Variants in OLFM3 observed in about 807,000 individuals in gnomAD.
The protein encoded by OLFM3 is olfactomedin 3.
In OLFM3, 20 loss-of-function variants were observed where a neutral mutation model predicts 48.6. The ratio of observed to expected loss-of-function variants is 0.41; its 90% CI spans 0.29 to 0.60. The LOEUF is 0.60. Ranked by LOEUF, OLFM3 falls within the 20% of genes least tolerant of loss-of-function variation. The pLI is 0.28. For missense variants in OLFM3, 437 were observed against 544.3 expected, an observed-to-expected ratio of 0.80 and a Z score of 1.96; for synonymous variants, 222 against 198.1, an observed-to-expected ratio of 1.12 and a Z score of -1.01.
At chr1:101,896,566 C>T (rs2101012746) in intron 1 of OLFM3, among the ~76,000 whole-genome samples, 1 of 141,192 alleles carries the variant, frequency 7.1e-6, no homozygotes, top group South Asian at 2.2e-4. Context: ...GCGATCTCGG[C>T]TCACTGCAAA....
intron 1 of OLFM3, among the ~76,000 whole-genome samples, chr1:101,918,736 T>G (rs902713270): frequency 6.6e-6 from 1 of 152,110 alleles, no homozygotes; most frequent in African/African-American, 2.4e-5. Flanking sequence ...TAAATATCTT[T>G]TATTAGAGGT....
chr1:101,887,162 G>T (rs1657795940), intron 1 of OLFM3, among the ~76,000 whole-genome samples: 1 of 150,972 alleles, frequency 6.6e-6, no homozygotes. Context: ...GGTGAGTGAG[G>T]TTATACAAAT....
intron 1 of OLFM3, among the ~76,000 whole-genome samples, chr1:101,947,828 T>C (rs1255376177): frequency 1.3e-5 from 2 of 152,176 alleles, no homozygotes; most frequent in Non-Finnish European, 2.9e-5. Flanking sequence ...TAGATAATAA[T>C]AGCTGCTAAC....
chr1:101,972,831 T>C (rs1660845745), intron 1 of OLFM3, among the ~76,000 whole-genome samples: 1 of 152,224 alleles, frequency 6.6e-6, no homozygotes, highest in Non-Finnish European at 1.5e-5. Context: ...CTGCACGGAA[T>C]ATTGAATATA....
At chr1:101,923,101 G>C (rs1254278808) in intron 1 of OLFM3, among the ~76,000 whole-genome samples, 2 of 152,164 alleles carry the variant, frequency 1.3e-5, no homozygotes, top group African/African-American at 4.8e-5. Flanking sequence ...AGAAAATTCT[G>C]TTCAGACATT....
At chr1:101,891,655 A>G (rs1658004160) in intron 1 of OLFM3, among the ~76,000 whole-genome samples, 2 of 151,956 alleles carry the variant, frequency 1.3e-5, no homozygotes, top group Admixed American at 6.6e-5. Context: ...GCATTAGATT[A>G]TCTACAGTAA....
At chr1:101,919,310 T>G (rs1659021287) in intron 1 of OLFM3, among the ~76,000 whole-genome samples, 1 of 152,174 alleles carries the variant, frequency 6.6e-6, no homozygotes, top group Admixed American at 6.5e-5. Flanking sequence ...CTTGAAAAAT[T>G]TTTTTGAACT....
intron 4 of OLFM3, 97 bp downstream of exon 4, chr1:101,824,929 A>T: frequency 9.5e-7 from 1 of 1,050,430 alleles, no homozygotes. Flanking sequence ...TTTCTTTACA[A>T]TTAGATATTT....
At chr1:101,841,267 C>T (rs181338755) in intron 1 of OLFM3, among the ~76,000 whole-genome samples, 18 of 152,206 alleles carry the variant, frequency 1.2e-4, no homozygotes, top group Middle Eastern at 3.4e-3. Context: ...TTTTCTTGAA[C>T]GAACTATCCT....
intron 1 of OLFM3, among the ~76,000 whole-genome samples, chr1:101,900,560 T>C (rs982965379): frequency 6.6e-6 from 1 of 152,048 alleles, no homozygotes; most frequent in African/African-American, 2.4e-5. Flanking sequence ...GCTAATTTAG[T>C]GTAAAGGCAA....
chr1:101,834,790 A>T (rs548795419), intron 2 of OLFM3, among the ~76,000 whole-genome samples: 1 of 152,358 alleles, frequency 6.6e-6, no homozygotes, highest in South Asian at 2.1e-4. Context: ...TCTTGAAAAC[A>T]TTCAGACAAA....
chr1:101,994,246 T>G (rs1339896061), intron 1 of OLFM3, among the ~76,000 whole-genome samples: 1 of 150,936 alleles, frequency 6.6e-6, no homozygotes, highest in Non-Finnish European at 1.5e-5. Context: ...TATAGAATAA[T>G]ACTTAAAATT....
At chr1:101,875,855 C>T (rs1466301013) in intron 1 of OLFM3, among the ~76,000 whole-genome samples, 2 of 152,026 alleles carry the variant, frequency 1.3e-5, no homozygotes, top group Non-Finnish European at 2.9e-5. Context: ...GACTTCAACA[C>T]TGTCATTTAA....
chr1:101,853,058 A>T (rs1008763727), intron 1 of OLFM3, among the ~76,000 whole-genome samples: 1 of 152,076 alleles, frequency 6.6e-6, no homozygotes, highest in Non-Finnish European at 1.5e-5. Flanking sequence ...TAAAATATAA[A>T]TCAAATTATG....
intron 1 of OLFM3, among the ~76,000 whole-genome samples, chr1:101,950,993 T>G (rs939594957): frequency 6.6e-6 from 1 of 152,128 alleles, no homozygotes; most frequent in Non-Finnish European, 1.5e-5. Flanking sequence ...AGAAAGAAAA[T>G]CTAACTTACA....
intron 1 of OLFM3, among the ~76,000 whole-genome samples, chr1:101,911,391 G>C (rs984663686): frequency 6.6e-6 from 1 of 152,008 alleles, no homozygotes; most frequent in Non-Finnish European, 1.5e-5. Flanking sequence ...CAAATTCAGT[G>C]GTGAGGTAAA....
Position 101,804,466 on chromosome 1 carries a change from T to C in OLFM3, c.1149A>G (p.Thr383=), listed in dbSNP as rs1406894281. The change falls in exon 6 of 6, where the codon ACA becomes ACG. Residue 383 remains threonine (T), a synonymous_variant. Coordinates refer to ENST00000370103, the MANE Select transcript of OLFM3 (RefSeq NM_058170.4). This position sits in a 1 kb window ranked among gnomAD's most constrained non-coding sequence, Gnocchi z 4.5. The stretch of plus-strand genomic sequence containing the variant: ...TTAAGTGGGAGTTGGTGACATACAG[T>C]GTCCCACAGATCATGAAAGATTCCC... ...SAGESFMICG[T]LYVTNSHLTG... 6 of 1,612,492 alleles carry C rather than the reference T, an allele frequency of 3.7e-6. No homozygotes were observed. Among genetic ancestry groups the C allele is most frequent in the Non-Finnish European group, 5.1e-6 (6 of 1,179,068 alleles).
chr1:101,979,444 A>G (rs368459791), intron 1 of OLFM3, among the ~76,000 whole-genome samples: 13 of 152,212 alleles, frequency 8.5e-5, no homozygotes, highest in East Asian at 3.9e-4. Context: ...TGTTCTCGTG[A>G]TAGTGGATGA....
chr1:101,837,264 C>T (rs1655471515), intron 1 of OLFM3, among the ~76,000 whole-genome samples: 1 of 152,192 alleles, frequency 6.6e-6, no homozygotes, highest in African/African-American at 2.4e-5. Flanking sequence ...ATATTAGTAA[C>T]TGATTTTGAT....
Sources: allele counts gnomAD v4.1 joint callset (sites outside exome capture counted in the v4.1 genomes callset), GRCh38; gene constraint gnomAD v4.1.1; non-coding constraint Gnocchi (gnomAD v3.1); transcripts MANE v1.5; gene names NCBI Gene and HGNC (gene_info 2026-07-23, HGNC 2026-07-21).